AP2B1: variants seen among roughly 807,000 people sequenced by gnomAD.
AP2B1 encodes adaptor related protein complex 2 subunit beta 1, also known as AP-2 complex subunit beta.
A neutral mutation model predicts 102.0 loss-of-function variants in AP2B1; 23 were observed. The observed-to-expected ratio is 0.23, with a 90% confidence interval of 0.16 to 0.32. The LOEUF (loss-of-function observed/expected upper bound fraction) is 0.32, where lower values mean the gene tolerates loss of function less well. Among genes scored for constraint, AP2B1 ranks in the 10% least tolerant of loss-of-function variants. AP2B1 has a pLI of 1.00. For missense variants in AP2B1, 541 were observed against 1,157.4 expected, an observed-to-expected ratio of 0.47 and a Z score of 7.73; for synonymous variants, 381 against 421.2, an observed-to-expected ratio of 0.90 and a Z score of 1.17.
chr17:35,600,958 T>C (rs1160763688), intron 3 of AP2B1: 1 of 981,250 alleles, frequency 1.0e-6, no homozygotes, highest in Non-Finnish European at 1.2e-6. Context: ...CTGAGGTGAA[T>C]TTTTGTTATT....
At chr17:35,658,552 C>G (rs2075287008) in intron 14 of AP2B1, among the ~76,000 whole-genome samples, 1 of 152,138 alleles carries the variant, frequency 6.6e-6, no homozygotes, top group East Asian at 1.9e-4. Flanking sequence ...AGAAAAATAA[C>G]AAGTCTATTA....
intron 14 of AP2B1, among the ~76,000 whole-genome samples, chr17:35,659,127 C>T (rs759446285): frequency 6.6e-6 from 1 of 152,086 alleles, no homozygotes; most frequent in Non-Finnish European, 1.5e-5. Context: ...TTATAGACTC[C>T]GGAGAGTGAC....
At chr17:35,660,904 C>T (rs974581382) in intron 14 of AP2B1, among the ~76,000 whole-genome samples, 2 of 152,172 alleles carry the variant, frequency 1.3e-5, no homozygotes, top group African/African-American at 4.8e-5. Flanking sequence ...TTCTTTTGCC[C>T]TGTAGGGAGA....
intron 21 of AP2B1, among the ~76,000 whole-genome samples, chr17:35,720,328 A>G (rs1428553601): frequency 6.6e-6 from 1 of 151,962 alleles, no homozygotes; most frequent in East Asian, 1.9e-4. Flanking sequence ...ACATATTGAA[A>G]TGATCCTTAC....
intron 12 of AP2B1, among the ~76,000 whole-genome samples, chr17:35,646,586 ATTT>A (rs34634602): frequency 1.5e-5 from 2 of 135,616 alleles, no homozygotes. Flanking sequence ...TATATATATA[ATTT>A]TTTTTTTTTT....
intron 13 of AP2B1, among the ~76,000 whole-genome samples, chr17:35,652,189 T>C (rs2075104299): frequency 6.6e-6 from 1 of 152,256 alleles, no homozygotes; most frequent in African/African-American, 2.4e-5. Flanking sequence ...GGTTCCTTTT[T>C]GGATAACCTC....
intron 17 of AP2B1, among the ~76,000 whole-genome samples, chr17:35,680,686 G>GTTTTTTTTTTTTTTTTTTTTTT (rs1167550201): frequency 1.7e-5 from 1 of 59,930 alleles, no homozygotes; most frequent in Non-Finnish European, 3.3e-5. Context: ...TATGGTTTTG[G>GTTTTTTTTTTTTTTTTTTTTTT]TTTTTTTTTT....
intron 21 of AP2B1, among the ~76,000 whole-genome samples, chr17:35,720,072 A>G (rs2085311265): frequency 6.6e-6 from 1 of 152,192 alleles, no homozygotes; most frequent in Admixed American, 6.5e-5. Flanking sequence ...ATTCCATATT[A>G]TTATAGTGGA....
chr17:35,707,866 G>A (rs1279526315), intron 18 of AP2B1, among the ~76,000 whole-genome samples: 1 of 152,194 alleles, frequency 6.6e-6, no homozygotes, highest in Non-Finnish European at 1.5e-5. Context: ...TTGGGCATCA[G>A]GCCATGTTAT....
chr17:35,715,910 T>A (rs994091927), intron 20 of AP2B1, among the ~76,000 whole-genome samples: 1 of 152,162 alleles, frequency 6.6e-6, no homozygotes, highest in East Asian at 1.9e-4. Flanking sequence ...GAGCTGTCAG[T>A]GGTTTGAATG....
chr17:35,592,779 G>T (rs2073144321), intron 1 of AP2B1, among the ~76,000 whole-genome samples: 1 of 152,172 alleles, frequency 6.6e-6, no homozygotes, highest in Non-Finnish European at 1.5e-5. Context: ...CTGACCTCAA[G>T]TGATCCACCC....
At chr17:35,690,341 T>C (rs2076016519) in intron 18 of AP2B1, among the ~76,000 whole-genome samples, 1 of 152,246 alleles carries the variant, frequency 6.6e-6, no homozygotes, top group African/African-American at 2.4e-5. Context: ...TCCAAAGTTA[T>C]CTTTAAGTCT....
At chr17:35,640,243 T>TTTTA (rs1555566391) in intron 11 of AP2B1, among the ~76,000 whole-genome samples, 4 of 146,650 alleles carry the variant, frequency 2.7e-5, no homozygotes, top group African/African-American at 7.6e-5. Context: ...TTTTTTTTTT[T>TTTTA]TTTTTTTTTT....
chr17:35,713,760 C>T (rs1166406583), intron 20 of AP2B1: 2 of 152,200 alleles, frequency 1.3e-5, no homozygotes, highest in African/African-American at 4.8e-5. Flanking sequence ...GACCCTCTTC[C>T]CAAGTCTTAA....
chr17:35,719,409 C>G (rs1555591710), intron 21 of AP2B1, among the ~76,000 whole-genome samples: 1 of 152,046 alleles, frequency 6.6e-6, no homozygotes, highest in African/African-American at 2.4e-5. Context: ...GACTCTCACC[C>G]CAGCCCTAAC....
intron 18 of AP2B1, among the ~76,000 whole-genome samples, chr17:35,705,051 A>G (rs996147047): frequency 1.3e-5 from 2 of 152,162 alleles, no homozygotes; most frequent in African/African-American, 2.4e-5. Flanking sequence ...AAAAGAAAGA[A>G]CAACATATAA....
rs2073306508 is a variant in AP2B1, at chr17:35,596,944, G to T, written c.38-1286G>T. On this transcript the variant is annotated intron_variant, in intron 2 of 21. Transcript: ENST00000610402. ...CGATGCCCTATGCCAGGAGGCCATT[G>T]TGGAACCAGGAGAAGAAAGCTGTCT... 7.2e-6 allele frequency: 5 copies of T among 693,582 alleles called. No individual in the cohort carries two copies. In the Admixed American group the frequency reaches 8.9e-5, roughly 12 times the overall value. 43.0% of individuals were successfully genotyped at this position (693,582 alleles called of 1,614,324 possible).
At chr17:35,664,512 C>G (rs1000157716) in intron 14 of AP2B1, among the ~76,000 whole-genome samples, 17 of 152,116 alleles carry the variant, frequency 1.1e-4, no homozygotes, top group Admixed American at 9.2e-4. Flanking sequence ...TTTTGTCAGG[C>G]TTTTGTCCTT....
chr17:35,699,508 T>G (rs1284261520), intron 18 of AP2B1, among the ~76,000 whole-genome samples: 15 of 152,176 alleles, frequency 9.9e-5, no homozygotes, highest in Non-Finnish European at 4.4e-5. Flanking sequence ...CCTGATCTAT[T>G]GGGTGGACTG....
Sources: allele counts gnomAD v4.1 joint callset (sites outside exome capture counted in the v4.1 genomes callset), GRCh38; gene constraint gnomAD v4.1.1; transcripts MANE v1.5; gene names NCBI Gene and HGNC (gene_info 2026-07-23, HGNC 2026-07-21).